PAQR3: variants seen among roughly 807,000 people sequenced by gnomAD.
PAQR3 encodes the protein progestin and adipoQ receptor family member 3.
A neutral mutation model predicts 41.7 loss-of-function variants in PAQR3; 39 were observed. That is an observed-to-expected ratio of 0.93 (90% CI 0.72 to 1.22). PAQR3 has a LOEUF of 1.22. Among genes scored for constraint, PAQR3 ranks in the 50% most tolerant of loss-of-function variants. PAQR3 has a pLI of 0.00. For synonymous variants in PAQR3, 140 were observed against 140.6 expected (o/e 1.00, Z 0.03); for missense variants, 366 against 385.6 (o/e 0.95, Z 0.42).
In PAQR3 at chr4:78,912,007, G is replaced by C; in HGVS notation, c.*8532C>G. 6.2e-7 allele frequency: 1 copy of C among 1,612,546 alleles called. No individual in the cohort carries two copies. ...ACCAGTCGAATTAGACCCATTTGGT[G>C]CTGCTCCATTTCCTTCTAAACAGTA... On this transcript the variant is annotated 3_prime_UTR_variant, in exon 6 of 6. Coordinates refer to ENST00000512733, the MANE Select transcript of PAQR3 (RefSeq NM_001040202.2).
intron 11 of PAQR3, among the ~76,000 whole-genome samples, chr4:78,898,657 C>CAA (rs76934935): frequency 2.5e-5 from 3 of 121,232 alleles, no homozygotes. Context: ...GACTCCATCT[C>CAA]AAAAAAAAAA....
At position 78,919,007 on chromosome 4, in the gene PAQR3, T is replaced by G; in HGVS notation, c.*1532A>C. ...AACGATGGGTAAGACACGGTATTCC[T>G]TTACTGAGCCTCCTGGGGGGAAATT... On this transcript the variant is annotated 3_prime_UTR_variant, in exon 6 of 6. Coordinates refer to ENST00000512733, the MANE Select transcript of PAQR3 (RefSeq NM_001040202.2). 1 of 985,066 alleles carries G rather than the reference T, an allele frequency of 1.0e-6. No individual in the cohort carries two copies. Among genetic ancestry groups the G allele is most frequent in the South Asian group, 4.7e-5 (1 of 21,282 alleles). The allele number at this position is 985,066 out of a possible 1,614,324, so 61.0% of individuals were successfully genotyped here. A position where few individuals can be genotyped will look rare whatever the true frequency, so the allele number is the denominator to read the frequency against.
chr4:78,915,368 G>A lies in PAQR3; in HGVS notation c.*5171C>T, dbSNP rs551624258. ...TTTTAGGTTTTGGTACTTCACGTAA[G>A]CACTGTTAGAAGGTACAAGTGTATT... On this transcript the variant is annotated 3_prime_UTR_variant, in exon 6 of 6. Transcript: ENST00000512733. The A allele has an allele frequency of 6.6e-6, 1 of 151,972 alleles. No homozygotes were observed. The highest frequency in any genetic ancestry group is 2.1e-4 in the South Asian group (1 of 4,822). The allele number at this position is 151,972 out of a possible 1,614,324, so 9.4% of individuals were successfully genotyped here.
chr4:78,899,960 A>G (rs1733907349), intron 11 of PAQR3, among the ~76,000 whole-genome samples: 1 of 152,174 alleles, frequency 6.6e-6, no homozygotes, highest in African/African-American at 2.4e-5. Context: ...AGAAAATTAT[A>G]TGATGTGAGA....
At position 78,915,710 on chromosome 4, in the gene PAQR3, C is replaced by T. The variant is rs558736199; in HGVS notation, c.*4829G>A. Reference sequence around the variant, plus strand: ...TAAAAAATGGAATTGCAACCACAATCATATCTAAGAGAACATTCACTCCTA... The same window carrying T: ...TAAAAAATGGAATTGCAACCACAATTATATCTAAGAGAACATTCACTCCTA... On this transcript the variant is annotated 3_prime_UTR_variant, in exon 6 of 6. Coordinates refer to ENST00000512733, the MANE Select transcript of PAQR3 (RefSeq NM_001040202.2). 7 of 152,036 alleles carry T rather than the reference C, an allele frequency of 4.6e-5. No individual in the cohort carries two copies. In the South Asian group the frequency reaches 8.3e-4, roughly 18 times the overall value. 9.4% of individuals were successfully genotyped at this position (152,036 alleles called of 1,614,324 possible). A position where few individuals can be genotyped will look rare whatever the true frequency, so the allele number is the denominator to read the frequency against.
At position 78,939,265 on chromosome 4, in the gene PAQR3, C is replaced by G. The variant is rs1452360974; in HGVS notation, c.-41G>C. The G allele has an allele frequency of 6.5e-6, 10 of 1,547,834 alleles. No homozygotes were observed. Among genetic ancestry groups the G allele is most frequent in the Non-Finnish European group, 7.8e-6 (9 of 1,150,516 alleles). ...CCGCTCCCCGGCTCGGGAGCTCCCC[C>G]AGGTCCCGCCTCCCCGGGGAGGGGG... On this transcript the variant is annotated 5_prime_UTR_variant, in exon 1 of 6. Transcript: ENST00000512733.
intron 11 of PAQR3, among the ~76,000 whole-genome samples, chr4:78,892,609 GCTT>G (rs1733499101): frequency 6.6e-6 from 1 of 151,976 alleles, no homozygotes. Context: ...TCTTTCTCTA[GCTT>G]CTTAAGCAAG....
rs537314495 is a variant in PAQR3, at chr4:78,912,260, G to T, written c.*8279C>A. The T allele has an allele frequency of 4.1e-5, 19 of 465,412 alleles. No individual in the cohort carries two copies. Among genetic ancestry groups the T allele is most frequent in the East Asian group, 6.7e-5 (2 of 29,744 alleles). 28.8% of individuals were successfully genotyped at this position (465,412 alleles called of 1,614,324 possible). The stretch of plus-strand genomic sequence containing the variant: ...GCTAAATTGCAAGCTCTAACTAAGG[G>T]TTTCTGCTACTGACATCACAACACA... On this transcript the variant is annotated 3_prime_UTR_variant, in exon 6 of 6. Coordinates refer to ENST00000512733, the MANE Select transcript of PAQR3 (RefSeq NM_001040202.2).
At position 78,916,559 on chromosome 4, in the gene PAQR3, C is replaced by T. The variant is rs1577999375; in HGVS notation, c.*3980G>A. 6.6e-6 allele frequency: 1 copy of T among 151,652 alleles called. No homozygotes were observed. The highest frequency in any genetic ancestry group is 1.9e-4 in the East Asian group (1 of 5,186). 9.4% of individuals were successfully genotyped at this position (151,652 alleles called of 1,614,324 possible). ...GAGTTTACAATTTAGGTAAGAAAAC[C>T]CATTTGACTTAAGAGTTTTTGCCAC... On this transcript the variant is annotated 3_prime_UTR_variant, in exon 6 of 6. Transcript: ENST00000512733.
rs1457710865 is a variant in PAQR3 at position 78,914,051 on chromosome 4, G to A, written c.*6488C>T. 6.6e-6 allele frequency: 1 copy of A among 151,698 alleles called. No homozygotes were observed. The highest frequency in any genetic ancestry group is 1.9e-4 in the East Asian group (1 of 5,130). The allele number at this position is 151,698 out of a possible 1,614,324, so 9.4% of individuals were successfully genotyped here. A position where few individuals can be genotyped will look rare whatever the true frequency, so the allele number is the denominator to read the frequency against. ...ACACATAGTAAATTCATGAACTACA[G>A]TAGGTTTGTATCAAACAATTTTTTT... On this transcript the variant is annotated 3_prime_UTR_variant, in exon 6 of 6. Transcript: ENST00000512733.
Position 78,911,982 on chromosome 4 carries a change from A to G in PAQR3, c.*8557T>C, listed in dbSNP as rs769890490. On this transcript the variant is annotated 3_prime_UTR_variant, in exon 6 of 6. Transcript: ENST00000512733. ...CTCCACATCAGTCCCAACAGTCCCAACCAGTCGAATTAGACCCATTTGGTG... is the reference window on the plus strand; with the variant it reads ...CTCCACATCAGTCCCAACAGTCCCAGCCAGTCGAATTAGACCCATTTGGTG... The G allele has an allele frequency of 7.4e-6, 12 of 1,613,886 alleles. No individual in the cohort carries two copies. Among genetic ancestry groups the G allele is most frequent in the Non-Finnish European group, 9.3e-6 (11 of 1,179,810 alleles).
chr4:78,893,680 A>G (rs1733557380), intron 11 of PAQR3, among the ~76,000 whole-genome samples: 1 of 152,180 alleles, frequency 6.6e-6, no homozygotes, highest in Non-Finnish European at 1.5e-5. Flanking sequence ...CTCCCGCCTC[A>G]GCATCCCATG....
At chr4:78,895,645 A>G (rs1434651519) in intron 11 of PAQR3, among the ~76,000 whole-genome samples, 1 of 152,136 alleles carries the variant, frequency 6.6e-6, no homozygotes, top group Non-Finnish European at 1.5e-5. Flanking sequence ...GGAAGTTGGG[A>G]TGTAGATGGG....
rs920117169 is a variant in PAQR3, at chr4:78,938,944, G to C, written c.185+96C>G. 17 of 1,229,002 alleles carry C rather than the reference G, an allele frequency of 1.4e-5. No homozygotes were observed. In the Admixed American group the frequency reaches 3.6e-4, roughly 26 times the overall value. The allele number at this position is 1,229,002 out of a possible 1,614,324, so 76.1% of individuals were successfully genotyped here. Reference sequence around the variant, plus strand: ...AGGATGGGGCGGCGAGGAAATGATGGGCAAGCAGAAAGGCGGGGAAAGCAG... The same window carrying C: ...AGGATGGGGCGGCGAGGAAATGATGCGCAAGCAGAAAGGCGGGGAAAGCAG... On this transcript the variant is annotated intron_variant, in intron 1 of 5. Coordinates refer to ENST00000512733, the MANE Select transcript of PAQR3 (RefSeq NM_001040202.2).
At chr4:78,899,491 A>G (rs140297143) in intron 11 of PAQR3, among the ~76,000 whole-genome samples, 147 of 152,268 alleles carry the variant, frequency 9.7e-4, no homozygotes, top group African/African-American at 3.2e-3. Flanking sequence ...TTTACCATCA[A>G]GAAAGTGGTA....
At chr4:78,891,653 G>A (rs573649346) in intron 11 of PAQR3, among the ~76,000 whole-genome samples, 1 of 152,192 alleles carries the variant, frequency 6.6e-6, no homozygotes, top group South Asian at 2.1e-4. Context: ...CATATTATTG[G>A]ATGCAGTATA....
chr4:78,911,497 C>T (rs1241878202), downstream of PAQR3: 5 of 1,613,898 alleles, frequency 3.1e-6, no homozygotes, highest in East Asian at 2.2e-5. Flanking sequence ...TCGCCAAAGG[C>T]GCACAAAGCA....
chr4:78,903,635 T>C (rs1326531348), intron 11 of PAQR3, among the ~76,000 whole-genome samples: 3 of 151,998 alleles, frequency 2.0e-5, no homozygotes, highest in Non-Finnish European at 4.4e-5. Context: ...AAGTTGAGTA[T>C]TCTTTTGTTT....
chr4:78,932,447 A>G (rs77958611), intron 2 of PAQR3, among the ~76,000 whole-genome samples: 2,130 of 152,258 alleles, frequency 0.014, 62 homozygotes, highest in African/African-American at 0.049. Flanking sequence ...CAAAATAGCA[A>G]GCAGAGATGA....
Sources: allele counts gnomAD v4.1 joint callset (sites outside exome capture counted in the v4.1 genomes callset), GRCh38; gene constraint gnomAD v4.1.1; transcripts MANE v1.5; gene names NCBI Gene and HGNC (gene_info 2026-07-23, HGNC 2026-07-21).